Variants in PDE1A observed in about 807,000 individuals in gnomAD.
The protein encoded by PDE1A is dual specificity calcium/calmodulin-dependent 3',5'-cyclic nucleotide phosphodiesterase 1A.
A neutral mutation model predicts 61.7 loss-of-function variants in PDE1A; 35 were observed. The ratio of observed to expected loss-of-function variants is 0.57; its 90% confidence interval spans 0.43 to 0.75. The LOEUF is 0.75. Among genes scored for constraint, PDE1A ranks in the 30% least tolerant of loss-of-function variants. The probability of loss-of-function intolerance (pLI) is 0.00; values close to 1 mark genes in which losing one functional copy is unlikely to be tolerated. For synonymous variants in PDE1A, 232 were observed against 213.2 expected, an observed-to-expected ratio of 1.09 and a Z score of -0.77; for missense variants, 597 against 630.6, an observed-to-expected ratio of 0.95 and a Z score of 0.57.
intron 1 of PDE1A, among the ~76,000 whole-genome samples, chr2:182,341,162 C>T (rs952679808): frequency 3.9e-5 from 6 of 152,272 alleles, no homozygotes; most frequent in African/African-American, 9.6e-5. Flanking sequence ...ATTCTCACAA[C>T]GTTATAGAGA....
intron 1 of PDE1A, among the ~76,000 whole-genome samples, chr2:182,273,838 C>A (rs1018321016): frequency 1.3e-5 from 2 of 152,022 alleles, no homozygotes; most frequent in African/African-American, 4.8e-5. Context: ...ATTGGCTGAG[C>A]AAAGCAATCT....
the PDE1A span, among the ~76,000 whole-genome samples, chr2:182,545,276 T>A: frequency 6.6e-6 from 1 of 152,154 alleles, no homozygotes; most frequent in African/African-American, 2.4e-5. Flanking sequence ...TCCCCTGTGG[T>A]CCCAGCTTCT....
At chr2:182,484,245 T>C (rs1574770078) in intron 2 of PDE1A, among the ~76,000 whole-genome samples, 1 of 151,972 alleles carries the variant, frequency 6.6e-6, no homozygotes, top group South Asian at 2.1e-4. Flanking sequence ...CCCAACTCTT[T>C]GCATAAATTC....
chr2:182,450,783 GA>G (rs202189947), intron 2 of PDE1A, among the ~76,000 whole-genome samples: 6,742 of 132,290 alleles, frequency 0.051, 443 homozygotes, highest in East Asian at 0.25. Flanking sequence ...AAGACACAAA[GA>G]AAAAAAAAAA....
At chr2:182,573,096 G>C in the PDE1A span, among the ~76,000 whole-genome samples, 1 of 152,108 alleles carries the variant, frequency 6.6e-6, no homozygotes, top group South Asian at 2.1e-4. Flanking sequence ...AGGCTGGTGA[G>C]AAATGGGCTC....
At chr2:182,306,135 GTTT>G (rs953665968) in intron 1 of PDE1A, among the ~76,000 whole-genome samples, 5 of 152,028 alleles carry the variant, frequency 3.3e-5, no homozygotes, top group African/African-American at 1.2e-4. Flanking sequence ...TGTAGTATTA[GTTT>G]TTCCTTGCCT....
At chr2:182,575,277 T>A in the PDE1A span, among the ~76,000 whole-genome samples, 1 of 152,054 alleles carries the variant, frequency 6.6e-6, no homozygotes, top group African/African-American at 2.4e-5. Context: ...TCTCCTGTAT[T>A]CCACGAATTC....
chr2:182,688,772 T>C, the PDE1A span, among the ~76,000 whole-genome samples: 1 of 152,164 alleles, frequency 6.6e-6, no homozygotes, highest in Non-Finnish European at 1.5e-5. Flanking sequence ...GTCTGCTGTA[T>C]TCAGGAAACC....
At chr2:182,483,301 A>C (rs964156103) in intron 2 of PDE1A, among the ~76,000 whole-genome samples, 1 of 151,974 alleles carries the variant, frequency 6.6e-6, no homozygotes, top group African/African-American at 2.4e-5. Context: ...AGGGGTATAG[A>C]AGACTTGAAC....
At chr2:182,159,315 T>C (rs1691254161) in intron 13 of PDE1A, among the ~76,000 whole-genome samples, 2 of 152,306 alleles carry the variant, frequency 1.3e-5, no homozygotes, top group East Asian at 1.9e-4. Context: ...TATAACTATA[T>C]AGAGTGAGCA....
At chr2:182,285,893 C>T (rs763654015) in intron 1 of PDE1A, among the ~76,000 whole-genome samples, 33 of 152,194 alleles carry the variant, frequency 2.2e-4, no homozygotes, top group Non-Finnish European at 4.0e-4. Context: ...TATTATAAAT[C>T]AATGGAAAGG....
intron 1 of PDE1A, among the ~76,000 whole-genome samples, chr2:182,290,974 A>G (rs1394093223): frequency 2.0e-5 from 3 of 152,088 alleles, no homozygotes; most frequent in Non-Finnish European, 4.4e-5. Flanking sequence ...TGTGGTTTTC[A>G]TGTGTTCTGA....
At chr2:182,497,225 A>G (rs959388216) in intron 2 of PDE1A, among the ~76,000 whole-genome samples, 2 of 152,240 alleles carry the variant, frequency 1.3e-5, no homozygotes, top group African/African-American at 4.8e-5. Flanking sequence ...TGTGAATAGG[A>G]AAGAAGTAAC....
the PDE1A span, among the ~76,000 whole-genome samples, chr2:182,709,871 G>A: frequency 3.3e-5 from 5 of 152,030 alleles, no homozygotes; most frequent in Admixed American, 1.3e-4. Flanking sequence ...TCACCAAATC[G>A]TACCTACTGC....
chr2:182,586,118 A>G, the PDE1A span, among the ~76,000 whole-genome samples: 1 of 152,082 alleles, frequency 6.6e-6, no homozygotes, highest in South Asian at 2.1e-4. Context: ...TTCTCCTACA[A>G]ATTATGAGGT....
intron 2 of PDE1A, among the ~76,000 whole-genome samples, chr2:182,513,939 A>C (rs1446030852): frequency 6.6e-6 from 1 of 152,238 alleles, no homozygotes; most frequent in Non-Finnish European, 1.5e-5. Context: ...ATCCAGATTC[A>C]TAAAACAAGT....
chr2:182,206,211 A>AT (rs1687089609), intron 7 of PDE1A, 146 bp from the exon 8 acceptor site: 1 of 510,448 alleles, frequency 2.0e-6, no homozygotes. Context: ...AGTTTCTTTT[A>AT]TTTTTTACTG....
chr2:182,198,133 C>A (rs1012661329), intron 10 of PDE1A, among the ~76,000 whole-genome samples: 2 of 151,724 alleles, frequency 1.3e-5, no homozygotes, highest in African/African-American at 2.4e-5. Context: ...AGGTTTCCCC[C>A]AAAATTTTAT....
intron 13 of PDE1A, among the ~76,000 whole-genome samples, chr2:182,152,398 C>T (rs1690832812): frequency 6.8e-6 from 1 of 147,064 alleles, no homozygotes; most frequent in Non-Finnish European, 1.5e-5. Context: ...AAATACTTTC[C>T]CTATTTTTTT....
Sources: allele counts gnomAD v4.1 joint callset (sites outside exome capture counted in the v4.1 genomes callset), GRCh38; gene constraint gnomAD v4.1.1; transcripts MANE v1.5; gene names NCBI Gene and HGNC (gene_info 2026-07-23, HGNC 2026-07-21).